ACACA: variants seen among roughly 807,000 people sequenced by gnomAD.
The protein encoded by ACACA is acetyl-CoA carboxylase 1.
A neutral mutation model predicts 296.1 loss-of-function variants in ACACA; 103 were observed. The observed-to-expected ratio is 0.35, with a 90% CI of 0.30 to 0.41. The LOEUF is 0.41. ACACA is among the 10% of genes least tolerant of loss of function. ACACA has a pLI of 1.00. For synonymous variants in ACACA, 953 were observed against 1,038.6 expected, an observed-to-expected ratio of 0.92 and a Z score of 1.58; for missense variants, 1,554 against 2,989.7, an observed-to-expected ratio of 0.52 and a Z score of 11.20.
At chr17:37,299,272 A>G (rs2083501984) in intron 3 of ACACA, 1 of 1,613,406 alleles carries the variant, frequency 6.2e-7, no homozygotes, top group African/African-American at 1.3e-5. Context: ...TGGTAGCCTA[A>G]CACTTACCTT....
In ACACA at chr17:37,292,982, C is replaced by G. The variant is rs147305907; in HGVS notation, c.339-8012G>C. On this transcript the variant is annotated intron_variant, in intron 3 of 55. Coordinates refer to ENST00000616317, the MANE Select transcript of ACACA (RefSeq NM_198834.3). The stretch of plus-strand genomic sequence containing the variant: ...CAAGCACATATGTGAAATTTGGCTC[C>G]ACACTAAATCCGGCTTCATGCTTAA... Among the ~76,000 whole-genome samples the G allele has an allele frequency of 9.6e-4, 147 of 152,346 alleles. 1 individual carries two copies. The highest frequency in any genetic ancestry group is 1.8e-4 in the Non-Finnish European group (12 of 68,030).
chr17:37,146,591 C>T (rs577983868), intron 45 of ACACA, among the ~76,000 whole-genome samples: 116 of 146,160 alleles, frequency 7.9e-4, no homozygotes, highest in African/African-American at 2.5e-3. Flanking sequence ...ATGCAAATAA[C>T]AACCTCGTGG....
intron 1 of ACACA, among the ~76,000 whole-genome samples, chr17:37,352,573 G>A (rs886460186): frequency 6.6e-6 from 1 of 151,826 alleles, no homozygotes; most frequent in East Asian, 1.9e-4. Context: ...AAAAAAAATA[G>A]CCAGGTATGG....
intron 5 of ACACA, among the ~76,000 whole-genome samples, chr17:37,281,074 T>C (rs1321668748): frequency 3.3e-5 from 5 of 150,618 alleles, no homozygotes; most frequent in Non-Finnish European, 5.9e-5. Flanking sequence ...TTTTTTTTTT[T>C]CATTGAGACT....
chr17:37,388,698 G>C, intron 1 of ACACA: 1 of 1,612,502 alleles, frequency 6.2e-7, no homozygotes, highest in Admixed American at 1.7e-5. Flanking sequence ...AGAAGAGACA[G>C]AAATGGAGTA....
At chr17:37,292,778 C>T (rs891518331) in intron 3 of ACACA, among the ~76,000 whole-genome samples, 2 of 152,128 alleles carry the variant, frequency 1.3e-5, no homozygotes, top group Non-Finnish European at 2.9e-5. Context: ...ACAGGAGAAT[C>T]GCTTGAATCT....
intron 1 of ACACA, among the ~76,000 whole-genome samples, chr17:37,359,873 C>T (rs2049335780): frequency 6.6e-6 from 1 of 151,992 alleles, no homozygotes; most frequent in African/African-American, 2.4e-5. Flanking sequence ...CATGCTGGAT[C>T]CTGGCGTGTT....
intron 39 of ACACA, among the ~76,000 whole-genome samples, chr17:37,186,174 T>C (rs1370958813): frequency 1.1e-5 from 1 of 87,302 alleles, no homozygotes; most frequent in Non-Finnish European, 2.2e-5. Context: ...AACTGTAAAG[T>C]ATATGTTTTA....
At chr17:37,203,729 G>C (rs1019460480) in intron 33 of ACACA, among the ~76,000 whole-genome samples, 3 of 151,986 alleles carry the variant, frequency 2.0e-5, no homozygotes, top group Non-Finnish European at 4.4e-5. Flanking sequence ...GGCAACAAGA[G>C]TGAAACTCCA....
At chr17:37,339,002 A>AAAAGGGGT (rs2048267003) in intron 2 of ACACA, among the ~76,000 whole-genome samples, 1 of 152,150 alleles carries the variant, frequency 6.6e-6, no homozygotes, top group African/African-American at 2.4e-5. Flanking sequence ...AAAGGGAGGG[A>AAAAGGGGT]AAAAGAAAGA....
At chr17:37,369,704 T>G (rs763647223) in intron 1 of ACACA, among the ~76,000 whole-genome samples, 1 of 151,688 alleles carries the variant, frequency 6.6e-6, no homozygotes, top group African/African-American at 2.4e-5. Flanking sequence ...TAATACATTC[T>G]TTTTTTTGTT....
intron 52 of ACACA, among the ~76,000 whole-genome samples, chr17:37,102,037 G>A (rs1388737411): frequency 6.6e-6 from 1 of 152,050 alleles, no homozygotes; most frequent in Non-Finnish European, 1.5e-5. Context: ...TAACACTGCT[G>A]CCAAGCTGAA....
chr17:37,353,977 A>G (rs1314743773), intron 1 of ACACA, among the ~76,000 whole-genome samples: 3 of 152,046 alleles, frequency 2.0e-5, no homozygotes, highest in South Asian at 4.2e-4. Context: ...GCATGGTGAC[A>G]TGTGCCTGCG....
chr17:37,323,889 A>G (rs1329373976), intron 3 of ACACA, among the ~76,000 whole-genome samples: 1 of 152,240 alleles, frequency 6.6e-6, no homozygotes, highest in Non-Finnish European at 1.5e-5. Context: ...AACTGCCAAT[A>G]TCCATACAAC....
At chr17:37,176,090 G>GA (rs1001490336) in intron 41 of ACACA, among the ~76,000 whole-genome samples, 13 of 151,374 alleles carry the variant, frequency 8.6e-5, no homozygotes, top group Non-Finnish European at 1.3e-4. Context: ...TACTGTCCTG[G>GA]AAAAAAAAAT....
intron 2 of ACACA, among the ~76,000 whole-genome samples, chr17:37,333,776 G>A (rs1470786464): frequency 6.7e-6 from 1 of 149,356 alleles, no homozygotes; most frequent in Non-Finnish European, 1.5e-5. Context: ...TCCTTCAGGA[G>A]AACAAAGAAC....
intron 3 of ACACA, among the ~76,000 whole-genome samples, chr17:37,321,505 T>A (rs1228109050): frequency 6.6e-6 from 1 of 152,030 alleles, no homozygotes; most frequent in East Asian, 1.9e-4. Flanking sequence ...ATCTCAGCAC[T>A]TTGGGAGGCT....
At chr17:37,347,900 G>A (rs1157414898) in intron 1 of ACACA, among the ~76,000 whole-genome samples, 3 of 152,180 alleles carry the variant, frequency 2.0e-5, no homozygotes, top group Middle Eastern at 3.4e-3. Flanking sequence ...GGCCAGGTGC[G>A]GTGGCTCATG....
intron 30 of ACACA, among the ~76,000 whole-genome samples, chr17:37,209,998 AAC>A (rs1001886101): frequency 6.6e-6 from 1 of 152,224 alleles, no homozygotes; most frequent in Non-Finnish European, 1.5e-5. Flanking sequence ...AAAATTAACT[AAC>A]AAACTGATAA....
Sources: allele counts gnomAD v4.1 joint callset (sites outside exome capture counted in the v4.1 genomes callset), GRCh38; gene constraint gnomAD v4.1.1; transcripts MANE v1.5; gene names NCBI Gene and HGNC (gene_info 2026-07-23, HGNC 2026-07-21).